NDRG2: variants seen among roughly 807,000 people sequenced by gnomAD.
NDRG2 encodes protein NDRG2.
Under a neutral mutation model 58.2 loss-of-function variants are expected in NDRG2, and 34 were observed. That is an observed-to-expected ratio of 0.58 (90% CI 0.44 to 0.78). NDRG2 has a LOEUF of 0.78. Ranked by LOEUF, NDRG2 falls within the 30% of genes least tolerant of loss-of-function variation. The pLI is 0.00. For missense variants in NDRG2, 434 were observed against 471.2 expected, an observed-to-expected ratio of 0.92 and a Z score of 0.73; for synonymous variants, 187 against 175.9, an observed-to-expected ratio of 1.06 and a Z score of -0.50.
intron 1 of NDRG2, chr14:21,030,920 A>G: frequency 3.9e-6 from 6 of 1,539,030 alleles, no homozygotes; most frequent in Non-Finnish European, 5.3e-6. Flanking sequence ...TGATAGGACA[A>G]AAGAGGCCAA....
rs113364100 is a variant in NDRG2 at position 21,018,400 on chromosome 14, G to A, written c.861+57C>T. ...CATGCCGGGCCCTGGAGGCTTAGCA[G>A]CTGCATGTAGAGAGGATATATGACT... On this transcript the variant is annotated intron_variant, in intron 13 of 15. Coordinates refer to ENST00000556147, the MANE Select transcript of NDRG2 (RefSeq NM_001320329.2). 4.0e-5 allele frequency: 64 copies of A among 1,610,932 alleles called. No individual in the cohort carries two copies. The African/African-American group carries it at 5.3e-4, about 13-fold the overall frequency.
chr14:21,017,397 T>TA lies in NDRG2; in HGVS notation c.*198dup. On this transcript the variant is annotated 3_prime_UTR_variant, in exon 16 of 16. Coordinates refer to ENST00000556147, the MANE Select transcript of NDRG2 (RefSeq NM_001320329.2). ...AGGGGTCTGGGTCCCTAAGAGATAT[T>TA]AGGACATCTCTTCCAGGAGCTGGGG... The TA allele has an allele frequency of 1.5e-6, 1 of 648,314 alleles. No individual in the cohort carries two copies. Among genetic ancestry groups the TA allele is most frequent in the Non-Finnish European group, 2.6e-6 (1 of 380,200 alleles). 40.2% of individuals were successfully genotyped at this position (648,314 alleles called of 1,614,324 possible).
In NDRG2 at chr14:21,067,987, T is replaced by C; in HGVS notation, c.24+2841A>G. Among the ~76,000 whole-genome samples, 5 of 7,680 alleles carry C rather than the reference T, an allele frequency of 6.5e-4. 2 individuals carry two copies. Among genetic ancestry groups the C allele is most frequent in the Admixed American group, 4.8e-3 (2 of 416 alleles). 5.0% of individuals were successfully genotyped at this position (7,680 alleles called of 152,430 possible). A position where few individuals can be genotyped will look rare whatever the true frequency, so the allele number is the denominator to read the frequency against. On this transcript the variant is annotated intron_variant, in intron 1 of 14. Coordinates refer to the NDRG2 transcript ENST00000403829. ...AAACTTTCAGTGGCTCCCCTTTTTT[T>C]TTTTTTTTTTTTTTTTTTTTTTTTT...
In NDRG2 at chr14:21,017,586, C is replaced by T. The variant is rs1157278793; in HGVS notation, c.*10G>A. 6.2e-7 allele frequency: 1 copy of T among 1,612,062 alleles called. No individual in the cohort carries two copies. Among genetic ancestry groups the T allele is most frequent in the Non-Finnish European group, 8.5e-7 (1 of 1,179,086 alleles). On this transcript the variant is annotated 3_prime_UTR_variant, in exon 16 of 16. Transcript: ENST00000556147. ...AGGGCTGGGTCCCACTCTAGGGCAA[C>T]AAGGGCCATTCAACAGGAGACCTCC... is the stretch of plus-strand genomic sequence containing the variant.
intron 1 of NDRG2, among the ~76,000 whole-genome samples, chr14:21,045,662 A>G (rs1885110284): frequency 6.6e-6 from 1 of 152,256 alleles, no homozygotes; most frequent in Non-Finnish European, 1.5e-5. Context: ...CACAAAATTT[A>G]AAGTGGCTAA....
At chr14:21,057,050 A>C (rs954318154) in intron 1 of NDRG2, among the ~76,000 whole-genome samples, 1 of 152,122 alleles carries the variant, frequency 6.6e-6, no homozygotes, top group Non-Finnish European at 1.5e-5. Flanking sequence ...AATGCATTTG[A>C]CTCCACGACC....
chr14:21,057,115 A>T (rs546687987), intron 1 of NDRG2, among the ~76,000 whole-genome samples: 1 of 152,272 alleles, frequency 6.6e-6, no homozygotes, highest in East Asian at 1.9e-4. Context: ...TGGGGTATTG[A>T]CCTTTCACAT....
upstream of NDRG2, among the ~76,000 whole-genome samples, chr14:21,027,378 A>C (rs999151304): frequency 3.3e-5 from 5 of 151,912 alleles, no homozygotes; most frequent in African/African-American, 1.2e-4. Context: ...TGAAATTCAA[A>C]GTGTGCATCT....
chr14:21,026,694 A>G (rs8012904), upstream of NDRG2, among the ~76,000 whole-genome samples: 5,181 of 152,046 alleles, frequency 0.034, 282 homozygotes, highest in African/African-American at 0.11. Context: ...AGCTCCCCCT[A>G]CATCCCCCAA....
At chr14:21,028,926 G>A (rs941589322), upstream of NDRG2, 3 of 152,196 alleles carry the variant, frequency 2.0e-5, no homozygotes, top group South Asian at 2.1e-4. Flanking sequence ...CACCAGTCTC[G>A]TTGCTCTGTT....
At position 21,034,689 on chromosome 14, in the gene NDRG2, G is replaced by A. The variant is rs1173961728; in HGVS notation, c.25-11368C>T. The A allele has an allele frequency of 2.1e-5, 4 of 191,158 alleles. No individual in the cohort carries two copies. The East Asian group carries it at 5.3e-4, about 25-fold the overall frequency. 11.8% of individuals were successfully genotyped at this position (191,158 alleles called of 1,614,324 possible). ...TCTCTGGCAGCTGGGAGGAAGGACAGGAGCTGAAGATAGCTGGGTAGGGAC... is the reference window on the plus strand; with the variant it reads ...TCTCTGGCAGCTGGGAGGAAGGACAAGAGCTGAAGATAGCTGGGTAGGGAC... On this transcript the variant is annotated intron_variant, in intron 1 of 14. Transcript: ENST00000403829.
intron 1 of NDRG2, among the ~76,000 whole-genome samples, chr14:21,065,471 C>T (rs1886213420): frequency 6.6e-6 from 1 of 152,142 alleles, no homozygotes; most frequent in Admixed American, 6.5e-5. Context: ...TAGACAAGGT[C>T]CCTCATTTCA....
At chr14:21,045,886 G>A (rs769601358) in intron 1 of NDRG2, among the ~76,000 whole-genome samples, 2 of 152,118 alleles carry the variant, frequency 1.3e-5, no homozygotes, top group African/African-American at 2.4e-5. Context: ...TGAGGACCTG[G>A]AAATATTCTA....
At position 21,019,456 on chromosome 14, in the gene NDRG2, A is replaced by G. The variant is rs188313371; in HGVS notation, c.716+183T>C. Among the ~76,000 whole-genome samples the G allele has an allele frequency of 8.5e-5, 13 of 152,272 alleles. No homozygotes were observed. In the East Asian group the frequency reaches 2.5e-3, roughly 29 times the overall value. On this transcript the variant is annotated intron_variant, in intron 10 of 15. Transcript: ENST00000556147. ...AAAGGAGGTAAACAAGAGAAGGGGG[A>G]CAGCCCCTTGCAATCCTTCCCACTG...
intron 8 of NDRG2, 180 bp downstream of exon 8, chr14:21,020,316 A>T: frequency 6.8e-6 from 4 of 587,758 alleles, no homozygotes; most frequent in Non-Finnish European, 6.0e-6. Flanking sequence ...AAAAAGAAAA[A>T]GAAAAAGAAA....
At chr14:21,053,214 G>A (rs1885541345) in intron 1 of NDRG2, among the ~76,000 whole-genome samples, 1 of 152,158 alleles carries the variant, frequency 6.6e-6, no homozygotes, top group South Asian at 2.1e-4. Context: ...CAGGTGCATT[G>A]GCTCACACCT....
In NDRG2 at chr14:21,021,891, A is replaced by T; in HGVS notation, c.345-12T>A. The T allele has an allele frequency of 6.2e-7, 1 of 1,612,532 alleles. No individual in the cohort carries two copies. Among genetic ancestry groups the T allele is most frequent in the Non-Finnish European group, 8.5e-7 (1 of 1,179,286 alleles). On this transcript the variant is annotated splice_polypyrimidine_tract_variant and intron_variant, in intron 5 of 15. Coordinates refer to ENST00000556147, the MANE Select transcript of NDRG2 (RefSeq NM_001320329.2). ...ATGGGTACTGATATCTGGAAAAGAG[A>T]GGCATGTTAAGGAAGATACCAACCT...
At chr14:21,060,995 G>A (rs773116085) in intron 1 of NDRG2, among the ~76,000 whole-genome samples, 1 of 152,230 alleles carries the variant, frequency 6.6e-6, no homozygotes, top group Non-Finnish European at 1.5e-5. Context: ...GTGATTTGGA[G>A]CTAGGCAAAT....
intron 1 of NDRG2, chr14:21,033,514 T>C: frequency 2.4e-6 from 1 of 419,498 alleles, no homozygotes; most frequent in East Asian, 4.8e-5. Context: ...TCTGGCCCAG[T>C]GGGTGGACAG....
Sources: allele counts gnomAD v4.1 joint callset (sites outside exome capture counted in the v4.1 genomes callset), GRCh38; gene constraint gnomAD v4.1.1; transcripts MANE v1.5; gene names NCBI Gene and HGNC (gene_info 2026-07-23, HGNC 2026-07-21).